The following SEMA3A variants were observed in gnomAD, a reference collection of about 807,000 sequenced individuals.
The protein encoded by SEMA3A is semaphorin 3A.
A neutral mutation model predicts 97.9 loss-of-function variants in SEMA3A; 29 were observed. That is an observed-to-expected ratio of 0.30 (90% CI 0.22 to 0.40). The LOEUF is 0.40. Ranked by LOEUF, SEMA3A falls within the 10% of genes least tolerant of loss-of-function variation. The pLI is 1.00. For missense variants in SEMA3A, 763 were observed against 951.3 expected, an observed-to-expected ratio of 0.80 and a Z score of 2.60; for synonymous variants, 321 against 323.7, an observed-to-expected ratio of 0.99 and a Z score of 0.09.
At chr7:84,068,294 G>A in intron 4 of SEMA3A, among the ~76,000 whole-genome samples, 1 of 143,374 alleles carries the variant, frequency 7.0e-6, no homozygotes. Context: ...GAGGGGGGAG[G>A]GATAGCATTG....
Position 84,344,693 on chromosome 7 carries a change from G to T in SEMA3A, c.-169+27131C>A, listed in dbSNP as rs116529215. ...TGACCACTGATCTACTCAGGCGTGA[G>T]AGTAGACTACAAAACGAAGGAGAAA... On this transcript the variant is annotated intron_variant, in intron 2 of 3. Transcript: ENST00000424555. Among the ~76,000 whole-genome samples the T allele has an allele frequency of 3.6e-3, 545 of 152,254 alleles. 2 individuals are homozygous for T. The highest frequency in any genetic ancestry group is 0.012 in the African/African-American group (514 of 41,550).
intron 3 of SEMA3A, among the ~76,000 whole-genome samples, chr7:84,121,125 C>G (rs1302761581): frequency 6.6e-6 from 1 of 152,124 alleles, no homozygotes; most frequent in Non-Finnish European, 1.5e-5. Flanking sequence ...CTCTGTTTCC[C>G]AAGACCATTT....
intron 1 of SEMA3A, among the ~76,000 whole-genome samples, chr7:84,189,506 A>G (rs1797978471): frequency 6.6e-6 from 1 of 151,802 alleles, no homozygotes. Context: ...TGGAGCTATG[A>G]TACAAAGGTG....
chr7:84,123,384 T>C (rs1042946346), intron 3 of SEMA3A, among the ~76,000 whole-genome samples: 14 of 151,958 alleles, frequency 9.2e-5, no homozygotes, highest in Non-Finnish European at 2.1e-4. Flanking sequence ...TATATATTTT[T>C]CAAATAACAG....
chr7:84,134,460 T>TACAC (rs1796060998), intron 2 of SEMA3A, among the ~76,000 whole-genome samples: 1 of 152,222 alleles, frequency 6.6e-6, no homozygotes, highest in Admixed American at 6.5e-5. Flanking sequence ...AATTTATACC[T>TACAC]ACACACATAT....
intron 4 of SEMA3A, among the ~76,000 whole-genome samples, chr7:84,068,188 C>G (rs1475712712): frequency 6.9e-6 from 1 of 144,402 alleles, no homozygotes; most frequent in Non-Finnish European, 1.5e-5. Flanking sequence ...AAACCAAACA[C>G]CGCATATTCT....
intron 5 of SEMA3A, among the ~76,000 whole-genome samples, chr7:84,046,790 TATC>T (rs1208656313): frequency 1.3e-5 from 2 of 152,096 alleles, no homozygotes; most frequent in Non-Finnish European, 2.9e-5. Context: ...AAACTACATT[TATC>T]ATATCACTTG....
At chr7:84,011,852 G>T (rs1562971425) in intron 7 of SEMA3A, among the ~76,000 whole-genome samples, 1 of 151,942 alleles carries the variant, frequency 6.6e-6, no homozygotes, top group Admixed American at 6.6e-5. Flanking sequence ...ACATTGTTTT[G>T]TACTCATAAA....
At chr7:84,452,252 A>G (rs1236265221) in intron 1 of SEMA3A, among the ~76,000 whole-genome samples, 1 of 152,012 alleles carries the variant, frequency 6.6e-6, no homozygotes, top group African/African-American at 2.4e-5. Context: ...TTAAGGCAAT[A>G]TATTTTTTAA....
At chr7:84,270,910 T>C (rs1231205969) in intron 3 of SEMA3A, among the ~76,000 whole-genome samples, 1 of 151,868 alleles carries the variant, frequency 6.6e-6, no homozygotes, top group African/African-American at 2.4e-5. Context: ...TTCAGGTAGA[T>C]TACTTCTTTT....
At chr7:84,005,614 A>AAATT (rs1562967858) in intron 10 of SEMA3A, 56 bp from the exon 11 acceptor site, 1 of 1,176,938 alleles carries the variant, frequency 8.5e-7, no homozygotes, top group African/African-American at 1.5e-5. Flanking sequence ...ACATAATTAT[A>AAATT]AATTATATAA....
At chr7:84,456,036 A>T (rs1156733112) in intron 1 of SEMA3A, among the ~76,000 whole-genome samples, 1 of 151,916 alleles carries the variant, frequency 6.6e-6, no homozygotes, top group African/African-American at 2.4e-5. Flanking sequence ...AATTTATGTG[A>T]TCCTTGGCAA....
intron 12 of SEMA3A, among the ~76,000 whole-genome samples, chr7:83,994,624 G>C (rs952404341): frequency 7.0e-6 from 1 of 143,718 alleles, no homozygotes; most frequent in Non-Finnish European, 1.5e-5. Context: ...CAGTTAGGCT[G>C]CTCCGGGATC....
At chr7:84,166,567 GT>G (rs1797212766) in intron 1 of SEMA3A, among the ~76,000 whole-genome samples, 1 of 82,960 alleles carries the variant, frequency 1.2e-5, no homozygotes, top group South Asian at 3.9e-4. Flanking sequence ...GCAAAACTCC[GT>G]CAAAAAAAAA....
In SEMA3A at chr7:84,208,654, T is replaced by G. The variant is rs544992518; in HGVS notation, c.-82-13986A>C. Among the ~76,000 whole-genome samples, 23 of 152,324 alleles carry G rather than the reference T, an allele frequency of 1.5e-4. No individual in the cohort carries two copies. The South Asian group carries it at 3.3e-3, about 22-fold the overall frequency. On this transcript the variant is annotated intron_variant, in intron 3 of 3. Coordinates refer to the SEMA3A transcript ENST00000424555. Reference sequence around the variant, plus strand: ...TTAATTAAGCTGAGGTAGTTTCCAGTAATGTGTCATAAAGTAATTCTCTTC... The same window carrying G: ...TTAATTAAGCTGAGGTAGTTTCCAGGAATGTGTCATAAAGTAATTCTCTTC...
intron 3 of SEMA3A, among the ~76,000 whole-genome samples, chr7:84,262,187 C>T (rs916450870): frequency 2.0e-5 from 3 of 151,722 alleles, no homozygotes; most frequent in African/African-American, 7.3e-5. Context: ...ACTTTTTAGA[C>T]TTGCCTCTAT....
intron 5 of SEMA3A, among the ~76,000 whole-genome samples, chr7:84,060,256 C>G (rs1425367398): frequency 2.0e-5 from 3 of 152,140 alleles, no homozygotes; most frequent in Non-Finnish European, 4.4e-5. Flanking sequence ...ATTCCATTTC[C>G]ATTAAAAAGA....
At chr7:84,209,342 C>A (rs1798570027) in intron 3 of SEMA3A, among the ~76,000 whole-genome samples, 1 of 152,170 alleles carries the variant, frequency 6.6e-6, no homozygotes, top group Admixed American at 6.5e-5. Context: ...TGTGTGAGTG[C>A]AGGCTCAGGT....
intron 4 of SEMA3A, among the ~76,000 whole-genome samples, chr7:84,063,166 C>A (rs13310469): frequency 3.3e-5 from 5 of 151,608 alleles, no homozygotes; most frequent in Admixed American, 3.3e-4. Context: ...CACACTGACA[C>A]CTCACATGGC....
Sources: allele counts gnomAD v4.1 joint callset (sites outside exome capture counted in the v4.1 genomes callset), GRCh38; gene constraint gnomAD v4.1.1; transcripts MANE v1.5; gene names NCBI Gene and HGNC (gene_info 2026-07-23, HGNC 2026-07-21).